The following FRMD4A variants were observed in gnomAD, a reference collection of about 807,000 sequenced individuals.
The protein encoded by FRMD4A is FERM domain containing 4A.
In FRMD4A, 29 loss-of-function variants were observed where a neutral mutation model predicts 129.1. The ratio of observed to expected loss-of-function variants is 0.22; its 90% CI spans 0.17 to 0.31. The LOEUF (loss-of-function observed/expected upper bound fraction) is 0.31, where lower values mean the gene tolerates loss of function less well. FRMD4A is among the 10% of genes least tolerant of loss of function. FRMD4A has a pLI of 1.00. For missense variants in FRMD4A, 1,272 were observed against 1,375.8 expected (o/e 0.92, Z 1.19); for synonymous variants, 634 against 571.6 (o/e 1.11, Z -1.56).
chr10:13,659,371 G>A lies in FRMD4A; in HGVS notation c.2018C>T (p.Ser673Phe). ...ACTCCGGACCCGCAGGTCTGGCGTGGACGGCATGCTGGACTGGGAGTTCCA... is the reference window on the plus strand; with the variant it reads ...ACTCCGGACCCGCAGGTCTGGCGTGAACGGCATGCTGGACTGGGAGTTCCA... The part of the protein sequence containing the change: ...PHWNSQSSMP[S>F]TPDLRVRSPH... Residue 673 changes from serine to phenylalanine, a missense_variant, in exon 21 of 25, where the codon TCC becomes TTC. This residue lies in a region of FRMD4A where 972 missense variants were observed against 892.3 expected (regional missense o/e 1.09). Transcript: ENST00000357447. 6.2e-7 allele frequency: 1 copy of A among 1,614,162 alleles called. No individual in the cohort carries two copies. Among genetic ancestry groups the A allele is most frequent in the Non-Finnish European group, 8.5e-7 (1 of 1,179,976 alleles).
In FRMD4A at chr10:14,320,850, G is replaced by A. The variant is rs368316547; in HGVS notation, c.45+9208C>T. Among the ~76,000 whole-genome samples the A allele has an allele frequency of 3.3e-5, 5 of 152,098 alleles. No homozygotes were observed. In the South Asian group the frequency reaches 8.3e-4, roughly 25 times the overall value. On this transcript the variant is annotated intron_variant, in intron 2 of 24. Transcript: ENST00000357447. ...AGTCTGCTGAACTCCTTCCCACCCC[G>A]GGGCCATGGCCCAGGTTGGAATGCC... is the stretch of plus-strand genomic sequence containing the variant.
intron 12 of FRMD4A, chr10:13,727,922 A>G (rs1436439195): frequency 6.7e-6 from 1 of 149,106 alleles, no homozygotes; most frequent in Non-Finnish European, 1.5e-5. Context: ...AGCTTTCTTT[A>G]ATAAATAAAT....
At chr10:14,256,921 G>T (rs1844633955) in intron 2 of FRMD4A, among the ~76,000 whole-genome samples, 1 of 152,038 alleles carries the variant, frequency 6.6e-6, no homozygotes, top group Non-Finnish European at 1.5e-5. Context: ...AGCAATTTAA[G>T]AAAATAAAAT....
chr10:13,921,258 C>CTCTCTTTCTCTCT (rs1565042083), intron 2 of FRMD4A, among the ~76,000 whole-genome samples: 3 of 135,280 alleles, frequency 2.2e-5, no homozygotes, highest in Non-Finnish European at 5.0e-5. Context: ...TTCTCTCTCT[C>CTCTCTTTCTCTCT]TCTCTCTTTC....
At position 14,096,268 on chromosome 10, in the gene FRMD4A, G is replaced by T. The variant is rs1531389; in HGVS notation, c.45+233790C>A. On this transcript the variant is annotated intron_variant, in intron 2 of 24. Coordinates refer to ENST00000357447, the MANE Select transcript of FRMD4A (RefSeq NM_018027.5). Reference sequence around the variant, plus strand: ...ATAGAAGGGACAATCTGTGAGAAACGGGCCCTCACCAGACACCAGATCTGC... The same window carrying T: ...ATAGAAGGGACAATCTGTGAGAAACTGGCCCTCACCAGACACCAGATCTGC... Among the ~76,000 whole-genome samples, 40 of 152,074 alleles carry T rather than the reference G, an allele frequency of 2.6e-4. 2 individuals carry two copies. The South Asian group carries it at 5.6e-3, about 21-fold the overall frequency.
chr10:14,177,647 A>G (rs1841778543), intron 2 of FRMD4A, among the ~76,000 whole-genome samples: 1 of 152,232 alleles, frequency 6.6e-6, no homozygotes, highest in South Asian at 2.1e-4. Flanking sequence ...GCCAAGGTTA[A>G]ACAAAATTCG....
intron 2 of FRMD4A, among the ~76,000 whole-genome samples, chr10:14,163,781 T>C (rs1339075011): frequency 6.6e-6 from 1 of 152,206 alleles, no homozygotes; most frequent in Non-Finnish European, 1.5e-5. Flanking sequence ...GCTACATGTT[T>C]GAGACATCAG....
At chr10:13,846,255 G>A (rs576591439) in intron 3 of FRMD4A, among the ~76,000 whole-genome samples, 2 of 152,294 alleles carry the variant, frequency 1.3e-5, no homozygotes, top group South Asian at 2.1e-4. Flanking sequence ...AGTAATTGTG[G>A]TTTTTGCCAT....
chr10:14,321,874 T>C (rs557148908), intron 2 of FRMD4A, among the ~76,000 whole-genome samples: 2 of 152,228 alleles, frequency 1.3e-5, no homozygotes, highest in Admixed American at 1.3e-4. Context: ...GGGGGCGGAC[T>C]TCTCCCTTGC....
intron 2 of FRMD4A, among the ~76,000 whole-genome samples, chr10:14,258,737 T>G (rs1168935810): frequency 6.6e-6 from 1 of 152,210 alleles, no homozygotes; most frequent in South Asian, 2.1e-4. Context: ...GTTGTTTTAT[T>G]TGTGATAGCC....
intron 2 of FRMD4A, among the ~76,000 whole-genome samples, chr10:14,061,518 A>G (rs945776036): frequency 2.0e-5 from 3 of 152,196 alleles, no homozygotes; most frequent in Non-Finnish European, 4.4e-5. Flanking sequence ...AAGGGTAGAA[A>G]ACCAGGTGCT....
At chr10:14,275,719 G>C (rs1589254582) in intron 2 of FRMD4A, among the ~76,000 whole-genome samples, 1 of 152,214 alleles carries the variant, frequency 6.6e-6, no homozygotes, top group South Asian at 2.1e-4. Flanking sequence ...TTTTTCTCAA[G>C]AGTCCACCCC....
At chr10:13,655,964 T>C (rs1028372157) in intron 22 of FRMD4A, 15 of 152,288 alleles carry the variant, frequency 9.8e-5, no homozygotes, top group African/African-American at 3.6e-4. Flanking sequence ...TGTTTTTTAC[T>C]TGATTCAATA....
intron 5 of FRMD4A, among the ~76,000 whole-genome samples, chr10:13,790,092 G>A (rs1161868885): frequency 4.6e-5 from 7 of 151,988 alleles, no homozygotes; most frequent in African/African-American, 1.7e-4. Context: ...GAGATGGATA[G>A]GGAGCTGTTT....
chr10:13,792,184 C>G (rs2093016624), intron 5 of FRMD4A, among the ~76,000 whole-genome samples: 1 of 152,196 alleles, frequency 6.6e-6, no homozygotes, highest in Non-Finnish European at 1.5e-5. Context: ...GGCGGTGGCT[C>G]TGTCACTCAT....
rs2082275794 is a variant in FRMD4A, at chr10:13,657,577, G to A, written c.2067-55C>T. On this transcript the variant is annotated intron_variant, in intron 21 of 24. Transcript: ENST00000357447. ...GGGTGGGGAGTGGGCCCAAGGAGGG[G>A]TGCTCCGGGGAGGAGGGGGTCCTGA... 8.8e-6 allele frequency: 13 copies of A among 1,473,114 alleles called. 2 individuals are homozygous for A. The South Asian group carries it at 1.6e-4, about 18-fold the overall frequency. The allele number at this position is 1,473,114 out of a possible 1,614,324, so 91.3% of individuals were successfully genotyped here.
intron 2 of FRMD4A, among the ~76,000 whole-genome samples, chr10:14,022,392 T>C (rs1832798696): frequency 6.6e-6 from 1 of 152,144 alleles, no homozygotes; most frequent in Admixed American, 6.5e-5. Context: ...GAACTCACAA[T>C]GGGAAATTAT....
intron 12 of FRMD4A, among the ~76,000 whole-genome samples, chr10:13,713,618 C>T (rs1355396458): frequency 6.6e-6 from 1 of 151,670 alleles, no homozygotes; most frequent in Non-Finnish European, 1.5e-5. Flanking sequence ...AAAGGAGTCA[C>T]TGAACCCGAA....
At chr10:13,989,830 A>C (rs538369728) in intron 2 of FRMD4A, among the ~76,000 whole-genome samples, 30 of 152,326 alleles carry the variant, frequency 2.0e-4, no homozygotes, top group African/African-American at 7.0e-4. Context: ...AATTTCAGAC[A>C]AACTCCATGG....
Sources: allele counts gnomAD v4.1 joint callset (sites outside exome capture counted in the v4.1 genomes callset), GRCh38; gene constraint gnomAD v4.1.1; regional missense constraint gnomAD v4.1.1; transcripts MANE v1.5; gene names NCBI Gene and HGNC (gene_info 2026-07-23, HGNC 2026-07-21).